Variants in ZDHHC11 observed in about 807,000 individuals in gnomAD.
The protein encoded by ZDHHC11 is zDHHC palmitoyltransferase 11, also known as palmitoyltransferase ZDHHC11.
Under a neutral mutation model 51.3 loss-of-function variants are expected in ZDHHC11, and 44 were observed. That is an observed-to-expected ratio of 0.86 (90% CI 0.67 to 1.10). The LOEUF (loss-of-function observed/expected upper bound fraction) is 1.10. Among genes scored for constraint, ZDHHC11 ranks in the 50% least tolerant of loss-of-function variants. The probability of loss-of-function intolerance (pLI) is 0.00; values close to 1 mark genes in which losing one functional copy is unlikely to be tolerated. For missense variants in ZDHHC11, 400 were observed against 537.7 expected, an observed-to-expected ratio of 0.74 and a Z score of 2.53; for synonymous variants, 163 against 222.0, an observed-to-expected ratio of 0.73 and a Z score of 2.36.
At position 819,595 on chromosome 5, in the gene ZDHHC11, G is replaced by T; in HGVS notation, c.1076C>A (p.Ser359Tyr). The change falls in exon 10 of 13, where the codon TCC becomes TAC. Residue 359 changes from serine (S) to tyrosine (Y), a missense_variant. Transcript: ENST00000283441. ...ACACAGGCGCCTGCAAATCAGCCGGGAGTTCCTGGCCTTGGCTCTGGTGGG... is the reference window on the plus strand; with the variant it reads ...ACACAGGCGCCTGCAAATCAGCCGGTAGTTCCTGGCCTTGGCTCTGGTGGG... Reference protein sequence around the residue: ...PSALGAKARNSRLICRRLCQF... With the variant: ...PSALGAKARNYRLICRRLCQF... 1 of 1,609,648 alleles carries T rather than the reference G, an allele frequency of 6.2e-7. No individual in the cohort carries two copies. Among genetic ancestry groups the T allele is most frequent in the South Asian group, 1.1e-5 (1 of 90,936 alleles).
chr5:846,191 G>A (rs1173385992), intron 3 of ZDHHC11, among the ~76,000 whole-genome samples: 8 of 150,664 alleles, frequency 5.3e-5, no homozygotes, highest in East Asian at 1.9e-4. Flanking sequence ...TGTCCCTGCC[G>A]GGCTGCTCAG....
intron 11 of ZDHHC11, among the ~76,000 whole-genome samples, chr5:802,825 C>CAAAAAAAAAAAAAAA (rs70957306): frequency 5.2e-5 from 1 of 19,116 alleles, no homozygotes; most frequent in African/African-American, 1.1e-4. Context: ...TACAAAAATA[C>CAAAAAAAAAAAAAAA]AAAAAAAAAA....
intron 7 of ZDHHC11, among the ~76,000 whole-genome samples, chr5:830,694 A>ATT (rs1742946613): frequency 7.1e-6 from 1 of 140,896 alleles, no homozygotes. Context: ...ATCAAAAAGA[A>ATT]CAAATCTGGA....
At chr5:827,711 A>T (rs1405579991) in intron 7 of ZDHHC11, among the ~76,000 whole-genome samples, 1 of 151,138 alleles carries the variant, frequency 6.6e-6, no homozygotes, top group Non-Finnish European at 1.5e-5. Context: ...GCACGTAATG[A>T]GGGACCTGCC....
chr5:803,496 G>A (rs1361639433), intron 11 of ZDHHC11, among the ~76,000 whole-genome samples: 2 of 151,352 alleles, frequency 1.3e-5, no homozygotes, highest in African/African-American at 4.9e-5. Flanking sequence ...TTTAACAAGA[G>A]AAAATCCACA....
Position 850,586 on chromosome 5 carries a change from C to G in ZDHHC11, c.17G>C (p.Gly6Ala), listed in dbSNP as rs1476627723. The change falls in exon 1 of 13, where the codon GGG (glycine) becomes GCG (alanine). Residue 6 changes from glycine (G) to alanine (A), a missense_variant. Transcript: ENST00000283441. ...TTCTGGGGTGACGGAACACTGGCTC[C>G]CGGAGCGGGTGTCCATCTGCAGGAC... MDTRS[G>A]SQCSVTPEAI... 2.5e-6 allele frequency: 4 copies of G among 1,613,238 alleles called. No homozygotes were observed. Among genetic ancestry groups the G allele is most frequent in the Non-Finnish European group, 3.4e-6 (4 of 1,180,002 alleles).
At chr5:815,853 G>C (rs1740715668) in intron 10 of ZDHHC11, among the ~76,000 whole-genome samples, 1 of 151,536 alleles carries the variant, frequency 6.6e-6, no homozygotes, top group Non-Finnish European at 1.5e-5. Flanking sequence ...CCATCCTTCT[G>C]CCTCCTTGGA....
chr5:850,239 TGCAGGCTCAG>T (rs551040087), intron 1 of ZDHHC11, 132 bp downstream of exon 1: 1 of 970,340 alleles, frequency 1.0e-6, no homozygotes, highest in Admixed American at 2.3e-5. Context: ...TGGGCCCACC[TGCAGGCTCAG>T]GGGACATAGT....
chr5:816,655 T>A (rs1168489192), intron 10 of ZDHHC11: 3 of 625,402 alleles, frequency 4.8e-6, no homozygotes, highest in Middle Eastern at 3.4e-4. Context: ...ATTATATGCA[T>A]CCCTTTCCAG....
At chr5:847,142 CTG>C in intron 3 of ZDHHC11, among the ~76,000 whole-genome samples, 1 of 151,852 alleles carries the variant, frequency 6.6e-6, no homozygotes. Context: ...CCCATCTGCG[CTG>C]GGTGCCCACT....
chr5:841,933 A>C (rs1745051024), intron 4 of ZDHHC11: 1 of 989,574 alleles, frequency 1.0e-6, no homozygotes, highest in Admixed American at 6.1e-5. Context: ...GAAGGCAAAC[A>C]CCACACTCAG....
intron 7 of ZDHHC11, among the ~76,000 whole-genome samples, chr5:828,557 G>A (rs1374276652): frequency 1.3e-5 from 2 of 151,322 alleles, no homozygotes; most frequent in Admixed American, 1.3e-4. Context: ...TTATAGTGAC[G>A]GACACAATAC....
chr5:813,846 T>G (rs1364822250), intron 11 of ZDHHC11, among the ~76,000 whole-genome samples: 2 of 143,872 alleles, frequency 1.4e-5, no homozygotes, highest in Non-Finnish European at 3.0e-5. Flanking sequence ...AAGGAGGCTG[T>G]GTCAGTGTGA....
At chr5:851,405 C>T (rs1175817010), upstream of ZDHHC11, among the ~76,000 whole-genome samples, 4 of 113,272 alleles carry the variant, frequency 3.5e-5, no homozygotes, top group African/African-American at 6.9e-5. Flanking sequence ...ACGGCCGCTA[C>T]GGGGTGGGGG....
At chr5:834,845 C>T (rs1196160288) in intron 6 of ZDHHC11, among the ~76,000 whole-genome samples, 3 of 151,376 alleles carry the variant, frequency 2.0e-5, no homozygotes, top group East Asian at 1.9e-4. Context: ...CTGTTGCACA[C>T]GTCATGTAAA....
intron 1 of ZDHHC11, among the ~76,000 whole-genome samples, chr5:857,248 G>A (rs373465962): frequency 2.0e-4 from 31 of 152,312 alleles, no homozygotes; most frequent in African/African-American, 7.5e-4. Flanking sequence ...ACCGGGGCCT[G>A]CAGCGCAATC....
intron 7 of ZDHHC11, among the ~76,000 whole-genome samples, chr5:831,535 A>G (rs959541178): frequency 2.7e-5 from 4 of 148,268 alleles, no homozygotes; most frequent in African/African-American, 9.9e-5. Flanking sequence ...GCGAGCCAAG[A>G]TCATGCCCCT....
intron 3 of ZDHHC11, among the ~76,000 whole-genome samples, chr5:844,801 C>G (rs1157541045): frequency 6.6e-6 from 1 of 152,304 alleles, no homozygotes. Context: ...ATGCTGTAGA[C>G]GTGAGACCAA....
intron 11 of ZDHHC11, among the ~76,000 whole-genome samples, chr5:810,703 CAA>C (rs200221836): frequency 6.6e-5 from 10 of 150,788 alleles, no homozygotes; most frequent in Admixed American, 1.3e-4. Context: ...TATTCTGTGA[CAA>C]AAAAAGGGTT....
Sources: allele counts gnomAD v4.1 joint callset (sites outside exome capture counted in the v4.1 genomes callset), GRCh38; gene constraint gnomAD v4.1.1; transcripts MANE v1.5; gene names NCBI Gene and HGNC (gene_info 2026-07-23, HGNC 2026-07-21).